The following SLC7A14 variants were observed in gnomAD, a reference collection of about 807,000 sequenced individuals.
SLC7A14 encodes gamma-aminobutyric acid transporter SLC7A14.
SLC7A14 carries 37 observed loss-of-function variants against 60.2 expected under a neutral mutation model. That is an observed-to-expected ratio of 0.61 (90% CI 0.47 to 0.81). SLC7A14 has a LOEUF of 0.81. Ranked by LOEUF, SLC7A14 falls within the 30% of genes least tolerant of loss-of-function variation. The probability of loss-of-function intolerance (pLI) is 0.00; values close to 1 mark genes in which losing one functional copy is unlikely to be tolerated. For missense variants in SLC7A14, 886 were observed against 982.7 expected (o/e 0.90, Z 1.32); for synonymous variants, 399 against 395.8 (o/e 1.01, Z -0.10).
intron 1 of SLC7A14, among the ~76,000 whole-genome samples, chr3:170,550,512 A>ATTTTTTTTTTTTT (rs369436642): frequency 0.014 from 863 of 60,478 alleles, 151 homozygotes; most frequent in African/African-American, 0.046. Flanking sequence ...CTTTCCTTGA[A>ATTTTTTTTTTTTT]TTTTTTTTTT....
chr3:170,477,449 T>G (rs977225568), intron 7 of SLC7A14, among the ~76,000 whole-genome samples: 1 of 152,240 alleles, frequency 6.6e-6, no homozygotes, highest in Non-Finnish European at 1.5e-5. Flanking sequence ...CTATGTGACC[T>G]CAGGCAAGTG....
chr3:170,500,090 AT>A (rs1169316457), intron 3 of SLC7A14, among the ~76,000 whole-genome samples: 24 of 152,302 alleles, frequency 1.6e-4, no homozygotes, highest in African/African-American at 5.8e-4. Context: ...CTGAGGCAAG[AT>A]TCCAGAGCTT....
At position 170,480,492 on chromosome 3, in the gene SLC7A14, G is replaced by T. The variant is rs764228955; in HGVS notation, c.1790C>A (p.Ala597Asp). ...CACCATCAGAACAACCAGAAGGATG[G>T]CCCACCAGCTCTGCTCTGAGATGTA... ...SDYISEQSWW[A>D]ILLVVLMVLL... Residue 597 changes from alanine (A) to aspartate (D), a missense_variant, in exon 7 of 8, where the codon GCC (alanine) becomes GAC (aspartate). Transcript: ENST00000231706. 3.1e-6 allele frequency: 5 copies of T among 1,614,160 alleles called. No individual in the cohort carries two copies. The highest frequency in any genetic ancestry group is 4.2e-6 in the Non-Finnish European group (5 of 1,180,014).
In SLC7A14 at chr3:170,465,784, T is replaced by C. The variant is rs1203291318; in HGVS notation, c.*1271A>G. ...TTGTAACCCAAGAGTAGAATTTATA[T>C]TGTAGCCCATGTGTGTTTTTTTCCT... On this transcript the variant is annotated 3_prime_UTR_variant, in exon 8 of 8. Transcript: ENST00000231706. The C allele has an allele frequency of 6.6e-6, 1 of 152,254 alleles. No homozygotes were observed. Among genetic ancestry groups the C allele is most frequent in the Admixed American group, 6.5e-5 (1 of 15,284 alleles). The allele number at this position is 152,254 out of a possible 1,614,324, so 9.4% of individuals were successfully genotyped here.
rs1712506525 is a variant in SLC7A14 at position 170,498,934 on chromosome 3, A to G, written c.542-50T>C. The G allele has an allele frequency of 1.9e-6, 3 of 1,579,888 alleles. No homozygotes were observed. The Admixed American group carries it at 5.0e-5, about 27-fold the overall frequency. ...CATTGTCTGGAGGGAAGAAAGGGCC[A>G]TGCAAACTCCTGGTCCTACCCCACT... On this transcript the variant is annotated intron_variant, in intron 3 of 7. Transcript: ENST00000231706.
intron 2 of SLC7A14, among the ~76,000 whole-genome samples, chr3:170,523,515 T>A (rs529027251): frequency 6.6e-6 from 1 of 152,356 alleles, no homozygotes; most frequent in East Asian, 1.9e-4. Context: ...CAGTTTAGTC[T>A]TCCTTTGAAA....
chr3:170,577,341 G>A (rs942410036), intron 1 of SLC7A14, among the ~76,000 whole-genome samples: 22 of 152,160 alleles, frequency 1.4e-4, no homozygotes, highest in African/African-American at 4.3e-4. Flanking sequence ...AGAGGAGGCC[G>A]GGCGCGGTGG....
chr3:170,549,404 A>G (rs972924723), intron 1 of SLC7A14, among the ~76,000 whole-genome samples: 47 of 152,038 alleles, frequency 3.1e-4, no homozygotes, highest in Admixed American at 1.3e-4. Context: ...TTGTAGAGAC[A>G]GGGTTTCACC....
intron 4 of SLC7A14, chr3:170,496,559 GCT>G: frequency 6.3e-7 from 1 of 1,598,804 alleles, no homozygotes; most frequent in Non-Finnish European, 8.6e-7. Flanking sequence ...AGTACCAGGA[GCT>G]GATGAACGTC....
chr3:170,564,711 T>G (rs149631131), intron 1 of SLC7A14, among the ~76,000 whole-genome samples: 1,844 of 152,344 alleles, frequency 0.012, 21 homozygotes, highest in Non-Finnish European at 0.02. Context: ...ATGTCCACCT[T>G]ATAGGACTGT....
rs1240472970 is a variant in SLC7A14, at chr3:170,526,489, C to A, written c.304+144G>T. 5 of 954,304 alleles carry A rather than the reference C, an allele frequency of 5.2e-6. No individual in the cohort carries two copies. In the Admixed American group the frequency reaches 1.1e-4, roughly 21 times the overall value. 59.1% of individuals were successfully genotyped at this position (954,304 alleles called of 1,614,324 possible). A position where few individuals can be genotyped will look rare whatever the true frequency, so the allele number is the denominator to read the frequency against. On this transcript the variant is annotated intron_variant, in intron 2 of 7. Coordinates refer to ENST00000231706, the MANE Select transcript of SLC7A14 (RefSeq NM_020949.3). ...CAAAACCTGGCCCTAACCTCCCTGG[C>A]AGTCAAGGCAAAAAAGAGCATGATG...
intron 1 of SLC7A14, among the ~76,000 whole-genome samples, chr3:170,578,150 G>A (rs977072983): frequency 1.4e-4 from 21 of 152,372 alleles, no homozygotes; most frequent in African/African-American, 3.6e-4. Context: ...TCCTGCACCA[G>A]CATCCATCTA....
intron 7 of SLC7A14, among the ~76,000 whole-genome samples, chr3:170,471,226 A>G (rs1739898969): frequency 1.3e-5 from 2 of 152,076 alleles, no homozygotes; most frequent in South Asian, 4.1e-4. Flanking sequence ...TGGACAGTGA[A>G]TCCTTCCAGG....
At chr3:170,550,865 A>G (rs1056630102) in intron 1 of SLC7A14, among the ~76,000 whole-genome samples, 1 of 152,116 alleles carries the variant, frequency 6.6e-6, no homozygotes, top group Non-Finnish European at 1.5e-5. Flanking sequence ...TGAAAAATTC[A>G]GCACATATAT....
chr3:170,478,373 C>A (rs922305230), intron 7 of SLC7A14, among the ~76,000 whole-genome samples: 2 of 152,166 alleles, frequency 1.3e-5, no homozygotes, highest in African/African-American at 4.8e-5. Flanking sequence ...CCACTATGCC[C>A]AGCCAAGAGA....
chr3:170,564,101 G>A (rs1164227417), intron 1 of SLC7A14, among the ~76,000 whole-genome samples: 1 of 152,204 alleles, frequency 6.6e-6, no homozygotes, highest in Non-Finnish European at 1.5e-5. Flanking sequence ...CAAGTATGGA[G>A]CACAGATCCT....
In SLC7A14 at chr3:170,467,055, C is replaced by G. The variant is rs918352568; in HGVS notation, c.2316G>C (p.Ter772TyrextTer7). The G allele has an allele frequency of 1.9e-6, 3 of 1,594,522 alleles. No homozygotes were observed. Among genetic ancestry groups the G allele is most frequent in the Admixed American group, 1.7e-5 (1 of 58,452 alleles). ...ANDELDYSPE* is the reference protein window; with the variant it reads ...ANDELDYSPEY ...ATTTCTACCCACTTGTGTGTTTCTC[C>G]TACTCTGGAGAGTAATCTAACTCAT... The change falls in exon 8 of 8, where the codon TAG becomes TAC. Residue 772 changes from the stop codon to tyrosine (Y), a stop_lost. Coordinates refer to ENST00000231706, the MANE Select transcript of SLC7A14 (RefSeq NM_020949.3).
At chr3:170,467,621 C>T (rs887605480) in intron 7 of SLC7A14, among the ~76,000 whole-genome samples, 24 of 152,196 alleles carry the variant, frequency 1.6e-4, no homozygotes, top group African/African-American at 5.5e-4. Context: ...GTCAAAAGGT[C>T]TGACAACACT....
At chr3:170,515,693 A>T (rs927311133) in intron 2 of SLC7A14, among the ~76,000 whole-genome samples, 1 of 152,014 alleles carries the variant, frequency 6.6e-6, no homozygotes, top group Non-Finnish European at 1.5e-5. Flanking sequence ...GTTGTTTTTC[A>T]TGCAAACTAA....
Sources: gnomAD v4.1 joint callset for allele counts (sites outside exome capture counted in the v4.1 genomes callset) on GRCh38, gnomAD v4.1.1 for gene constraint, MANE v1.5 for transcripts, NCBI Gene and HGNC (gene_info 2026-07-23, HGNC 2026-07-21) for gene names.